IDE: variants seen among roughly 807,000 people sequenced by gnomAD.
IDE encodes insulin-degrading enzyme.
In IDE, 58 loss-of-function variants were observed where a neutral mutation model predicts 133.2. The observed-to-expected ratio is 0.44, with a 90% CI of 0.35 to 0.54. The LOEUF is 0.54. IDE is among the 20% of genes least tolerant of loss of function. The pLI, the probability that IDE is intolerant of heterozygous loss-of-function variation, is 0.00. For synonymous variants in IDE, 396 were observed against 421.3 expected, an observed-to-expected ratio of 0.94 and a Z score of 0.73; for missense variants, 981 against 1,234.0, an observed-to-expected ratio of 0.79 and a Z score of 3.07.
At chr10:92,479,693 G>T (rs1846496912) in intron 14 of IDE, 2 of 311,672 alleles carry the variant, frequency 6.4e-6, no homozygotes, top group East Asian at 1.1e-4. Flanking sequence ...GCCTACCCCA[G>T]ATGGTGTGGC....
chr10:92,563,286 T>C (rs1843367144), intron 1 of IDE, among the ~76,000 whole-genome samples: 1 of 151,578 alleles, frequency 6.6e-6, no homozygotes. Flanking sequence ...CCCCCATCTC[T>C]ACTAAAAATA....
chr10:92,508,108 C>G lies in IDE; in HGVS notation c.1153+5G>C. ...TCAAAAGTAAAAAGGTGAATCAATA[C>G]TTACATAATCCTTCCTCGGTCAAGT... On this transcript the variant is annotated splice_donor_5th_base_variant and intron_variant, in intron 8 of 24. Transcript: ENST00000265986. 6.3e-7 allele frequency: 1 copy of G among 1,595,566 alleles called. No homozygotes were observed. Among genetic ancestry groups the G allele is most frequent in the Non-Finnish European group, 8.6e-7 (1 of 1,166,334 alleles).
At chr10:92,524,804 C>T (rs1240739463) in intron 4 of IDE, among the ~76,000 whole-genome samples, 2 of 151,182 alleles carry the variant, frequency 1.3e-5, no homozygotes, top group Non-Finnish European at 2.9e-5. Flanking sequence ...GCGCTGCAAT[C>T]CCAGCTTCTT....
At chr10:92,483,234 A>T in intron 14 of IDE, 21 bp downstream of exon 14, 1 of 1,237,668 alleles carries the variant, frequency 8.1e-7, no homozygotes, top group Non-Finnish European at 1.2e-6. Flanking sequence ...AAGCTTTATA[A>T]GCTAGATTCA....
intron 19 of IDE, among the ~76,000 whole-genome samples, chr10:92,466,727 C>A (rs1845710723): frequency 6.6e-6 from 1 of 151,896 alleles, no homozygotes; most frequent in Admixed American, 6.6e-5. Context: ...AAGCAACTCT[C>A]CTACCTCAGC....
intron 4 of IDE, among the ~76,000 whole-genome samples, chr10:92,530,480 T>C (rs1171022263): frequency 2.0e-5 from 3 of 150,950 alleles, no homozygotes; most frequent in African/African-American, 7.3e-5. Flanking sequence ...AAAGATAGTG[T>C]CTCACTATGT....
At chr10:92,469,427 ATCTTT>A (rs1252863713) in intron 18 of IDE, among the ~76,000 whole-genome samples, 1 of 151,236 alleles carries the variant, frequency 6.6e-6, no homozygotes, top group African/African-American at 2.4e-5. Context: ...AGACCAAGGG[ATCTTT>A]TCTTTTTTTT....
At chr10:92,464,334 G>C (rs572633455) in intron 20 of IDE, among the ~76,000 whole-genome samples, 6 of 152,206 alleles carry the variant, frequency 3.9e-5, no homozygotes, top group Non-Finnish European at 2.9e-5. Context: ...AATATAAAAT[G>C]CTGGACTCAT....
chr10:92,478,565 T>C, intron 15 of IDE: 2 of 809,142 alleles, frequency 2.5e-6, no homozygotes, highest in Non-Finnish European at 1.5e-6. Flanking sequence ...TGTTTAAAAA[T>C]GCGAAGTTAA....
intron 11 of IDE, among the ~76,000 whole-genome samples, chr10:92,501,124 C>T (rs1382075742): frequency 6.6e-6 from 1 of 151,196 alleles, no homozygotes; most frequent in African/African-American, 2.4e-5. Flanking sequence ...CTTTGGGAGG[C>T]TGAGGTGGGA....
chr10:92,495,697 C>T (rs1293702329), intron 11 of IDE, among the ~76,000 whole-genome samples: 1 of 151,780 alleles, frequency 6.6e-6, no homozygotes. Flanking sequence ...CCCTCTCCTT[C>T]CACTAGTAAA....
At chr10:92,537,213 G>C (rs945467335) in intron 2 of IDE, among the ~76,000 whole-genome samples, 153 bp downstream of exon 2, 4 of 152,142 alleles carry the variant, frequency 2.6e-5, no homozygotes, top group African/African-American at 9.7e-5. Context: ...AACAACTGCA[G>C]TTTACCAATA....
At chr10:92,529,714 G>GA (rs918399575) in intron 4 of IDE, among the ~76,000 whole-genome samples, 4 of 150,194 alleles carry the variant, frequency 2.7e-5, no homozygotes, top group Admixed American at 6.6e-5. Context: ...ACCTCTACAG[G>GA]AAAAAAAAAT....
chr10:92,465,329 C>CTTTAGTGAAT (rs1298667925), intron 20 of IDE, among the ~76,000 whole-genome samples: 1 of 152,162 alleles, frequency 6.6e-6, no homozygotes, highest in African/African-American at 2.4e-5. Context: ...TAATACCTGC[C>CTTTAGTGAAT]CTCAAGGAAC....
At chr10:92,508,659 C>A in intron 7 of IDE, 69 bp downstream of exon 7, 1 of 1,420,054 alleles carries the variant, frequency 7.0e-7, no homozygotes, top group South Asian at 1.2e-5. Flanking sequence ...GGACACTATT[C>A]AGGAGAAAAT....
At chr10:92,481,510 A>T (rs938999220) in intron 14 of IDE, among the ~76,000 whole-genome samples, 1 of 152,244 alleles carries the variant, frequency 6.6e-6, no homozygotes, top group Admixed American at 6.5e-5. Context: ...TAACTTTTAA[A>T]AGAGAATAGG....
rs1419219711 is a variant in IDE at position 92,466,324 on chromosome 10, C to CT, written c.2321-482dup. 9.7e-4 allele frequency among the ~76,000 whole-genome samples: 141 copies of CT among 145,280 alleles called. 1 individual carries two copies. Among genetic ancestry groups the CT allele is most frequent in the African/African-American group, 3.3e-3 (131 of 39,940 alleles). ...CTCACATCCTTCTAGCCTTTTTGTA[C>CT]TTTTTTTTTTGAGACAAAGTCTTGT... On this transcript the variant is annotated intron_variant, in intron 19 of 24. Coordinates refer to ENST00000265986, the MANE Select transcript of IDE (RefSeq NM_004969.4).
intron 1 of IDE, among the ~76,000 whole-genome samples, chr10:92,568,684 C>T (rs1384538348): frequency 6.6e-6 from 1 of 151,978 alleles, no homozygotes; most frequent in African/African-American, 2.4e-5. Flanking sequence ...GGCGTGGTGG[C>T]ACGCGCCTGT....
rs1320169017 is a variant in IDE, at chr10:92,454,310, A to G, written c.*134T>C. The stretch of plus-strand genomic sequence containing the variant: ...CTTTGGATTTATAATATTTCTACAT[A>G]ATGACATTTGACAATTTTTTGTTTG... On this transcript the variant is annotated 3_prime_UTR_variant, in exon 25 of 25. Coordinates refer to ENST00000265986, the MANE Select transcript of IDE (RefSeq NM_004969.4). The G allele has an allele frequency of 3.2e-6, 2 of 622,662 alleles. No individual in the cohort carries two copies. The highest frequency in any genetic ancestry group is 4.8e-5 in the Admixed American group (2 of 41,904). 38.6% of individuals were successfully genotyped at this position (622,662 alleles called of 1,614,324 possible). A position where few individuals can be genotyped will look rare whatever the true frequency, so the allele number is the denominator to read the frequency against.
Sources: gnomAD v4.1 joint callset for allele counts (sites outside exome capture counted in the v4.1 genomes callset) on GRCh38, gnomAD v4.1.1 for gene constraint, MANE v1.5 for transcripts, NCBI Gene and HGNC (gene_info 2026-07-23, HGNC 2026-07-21) for gene names.